The following ACVR2B variants were observed in gnomAD, a reference collection of about 807,000 sequenced individuals.
ACVR2B encodes the protein activin A receptor type 2B.
A neutral mutation model predicts 65.1 loss-of-function variants in ACVR2B; 18 were observed. The observed-to-expected ratio is 0.28, with a 90% CI of 0.19 to 0.41. ACVR2B has a LOEUF of 0.41. Among genes scored for constraint, ACVR2B ranks in the 10% least tolerant of loss-of-function variants. The pLI, the probability that ACVR2B is intolerant of heterozygous loss-of-function variation, is 1.00. For missense variants in ACVR2B, 482 were observed against 682.7 expected, an observed-to-expected ratio of 0.71 and a Z score of 3.28; for synonymous variants, 298 against 277.7, an observed-to-expected ratio of 1.07 and a Z score of -0.73.
chr3:38,477,594 A>T lies in ACVR2B; in HGVS notation c.260+100A>T, dbSNP rs1164724651. On this transcript the variant is annotated intron_variant, in intron 2 of 10. Transcript: ENST00000352511. The surrounding 1 kb of genome is among the most constrained non-coding windows in gnomAD (Gnocchi z 6.7). Reference sequence around the variant, plus strand: ...AGGATGTCTGAGTGGGAGATAAAGGACCAAGAAGGGGCTCTTGAGATGGTA... The same window carrying T: ...AGGATGTCTGAGTGGGAGATAAAGGTCCAAGAAGGGGCTCTTGAGATGGTA... 7.3e-7 allele frequency: 1 copy of T among 1,370,910 alleles called. No individual in the cohort carries two copies. The highest frequency in any genetic ancestry group is 2.5e-5 in the East Asian group (1 of 40,332). The allele number at this position is 1,370,910 out of a possible 1,614,324, so 84.9% of individuals were successfully genotyped here.
At chr3:38,455,213 A>G (rs1019142761) in intron 1 of ACVR2B, among the ~76,000 whole-genome samples, 2 of 151,788 alleles carry the variant, frequency 1.3e-5, no homozygotes, top group African/African-American at 4.8e-5. Flanking sequence ...TGTTTCTCCT[A>G]CGGTCCAAGC....
At chr3:38,459,945 A>G (rs553394532) in intron 1 of ACVR2B, among the ~76,000 whole-genome samples, 2 of 152,150 alleles carry the variant, frequency 1.3e-5, no homozygotes, top group African/African-American at 4.8e-5. Flanking sequence ...TGGCTAGGGA[A>G]CGCTTCTGTG....
intron 1 of ACVR2B, among the ~76,000 whole-genome samples, chr3:38,468,448 G>A (rs749465765): frequency 1.3e-5 from 2 of 152,158 alleles, no homozygotes; most frequent in Non-Finnish European, 2.9e-5. Context: ...TGATACCTGT[G>A]TCCTCAGATT....
intron 1 of ACVR2B, among the ~76,000 whole-genome samples, chr3:38,473,007 CTGCATGTACTGTGTGTGTGTATG>C (rs1709844864): frequency 6.6e-6 from 1 of 152,128 alleles, no homozygotes; most frequent in Non-Finnish European, 1.5e-5. Flanking sequence ...AGAGTGCAGT[CTGCATGTACTGTGTGTGTGTATG>C]TGCATGTACT....
At chr3:38,475,648 G>A (rs986563802) in intron 1 of ACVR2B, 1 of 152,306 alleles carries the variant, frequency 6.6e-6, no homozygotes, top group Non-Finnish European at 1.5e-5. Context: ...CTTCTCTCTG[G>A]GGTATACCCT....
rs1710014484 is a variant in ACVR2B, at chr3:38,481,341, G to A, written c.960-10G>A. ...TGTTAAGCTTTATCTCTGCCCACTT[G>A]TTTCCACAGGGACTTTAAAAGTAAG... is the stretch of plus-strand genomic sequence containing the variant. On this transcript the variant is annotated splice_polypyrimidine_tract_variant and intron_variant, in intron 7 of 10. Coordinates refer to ENST00000352511, the MANE Select transcript of ACVR2B (RefSeq NM_001106.4). This position sits in a 1 kb window ranked among gnomAD's most constrained non-coding sequence, Gnocchi z 4.7. The A allele has an allele frequency of 1.9e-6, 3 of 1,608,846 alleles. No individual in the cohort carries two copies. Among genetic ancestry groups the A allele is most frequent in the South Asian group, 2.2e-5 (2 of 90,994 alleles).
Position 38,491,587 on chromosome 3 carries a change from G to C in ACVR2B, c.*8255G>C, listed in dbSNP as rs2059811166. The C allele has an allele frequency of 6.6e-6, 1 of 152,358 alleles. No homozygotes were observed. The allele number at this position is 152,358 out of a possible 1,614,324, so 9.4% of individuals were successfully genotyped here. On this transcript the variant is annotated 3_prime_UTR_variant, in exon 11 of 11. Coordinates refer to ENST00000352511, the MANE Select transcript of ACVR2B (RefSeq NM_001106.4). ...CACCCAAATTTTACCAACAATGACA[G>C]AGATGAGAGTAGAAAAGATTAGGCA...
In ACVR2B at chr3:38,477,113, AGGTGTGGGACGGATGGGT is replaced by A; in HGVS notation, c.53-171_53-154del. ...TGCCAGCTGGCACACGTAAATTAAG[AGGTGTGGGACGGATGGGT>A]GGCCTACGTCCAGGGGTGAGTGCAG... On this transcript the variant is annotated intron_variant, in intron 1 of 10. Transcript: ENST00000352511. This position sits in a 1 kb window ranked among gnomAD's most constrained non-coding sequence, Gnocchi z 6.7. The A allele has an allele frequency of 1.5e-6, 1 of 650,576 alleles. No individual in the cohort carries two copies. Among genetic ancestry groups the A allele is most frequent in the Non-Finnish European group, 2.7e-6 (1 of 375,042 alleles). The allele number at this position is 650,576 out of a possible 1,614,324, so 40.3% of individuals were successfully genotyped here. A position where few individuals can be genotyped will look rare whatever the true frequency, so the allele number is the denominator to read the frequency against.
chr3:38,480,664 G>A (rs573748642), intron 7 of ACVR2B, among the ~76,000 whole-genome samples: 1 of 152,362 alleles, frequency 6.6e-6, no homozygotes, highest in South Asian at 2.1e-4. Flanking sequence ...AAGGTAGACT[G>A]TATGAAATTG....
At position 38,483,986 on chromosome 3, in the gene ACVR2B, G is replaced by A. The variant is rs568117956; in HGVS notation, c.*654G>A. ...GTTGGAAGGGGAGGACGGTACTGGG[G>A]GTAGGGTTTGGAACAGAGCTACACT... On this transcript the variant is annotated 3_prime_UTR_variant, in exon 11 of 11. Transcript: ENST00000352511. The surrounding 1 kb of genome is among the most constrained non-coding windows in gnomAD (Gnocchi z 4.8). 6.1e-4 allele frequency: 93 copies of A among 153,368 alleles called. No homozygotes were observed. The highest frequency in any genetic ancestry group is 2.2e-3 in the African/African-American group (91 of 41,566). 9.5% of individuals were successfully genotyped at this position (153,368 alleles called of 1,614,324 possible).
intron 1 of ACVR2B, among the ~76,000 whole-genome samples, chr3:38,473,245 C>G (rs1227273112): frequency 6.6e-6 from 1 of 152,160 alleles, no homozygotes; most frequent in East Asian, 1.9e-4. Flanking sequence ...ATGCAGCAAG[C>G]CCCTTGTCCT....
chr3:38,483,205 C>T lies in ACVR2B; in HGVS notation c.1412C>T (p.Ala471Val), dbSNP rs1484586588. The T allele has an allele frequency of 2.5e-6, 4 of 1,614,104 alleles. No homozygotes were observed. The highest frequency in any genetic ancestry group is 2.2e-5 in the East Asian group (1 of 44,870). Residue 471 changes from alanine (A) to valine (V), a missense_variant, in exon 11 of 11, where the codon GCG becomes GTG. Physicochemically the swap from Ala to Val is moderately conservative, Grantham distance 64. Around this residue, in one of 5 missense-constraint regions of ACVR2B, gnomAD observed 223 missense variants for 386.3 expected, o/e 0.58. Transcript: ENST00000352511. This position sits in a 1 kb window ranked among gnomAD's most constrained non-coding sequence, Gnocchi z 4.8. Reference protein sequence around the residue: ...WDHDAEARLSAGCVEERVSLI... With the variant: ...WDHDAEARLSVGCVEERVSLI... ...CATGATGCAGAGGCTCGCTTGTCCG[C>T]GGGCTGTGTGGAGGAGCGGGTGTCC...
In ACVR2B at chr3:38,490,460, C is replaced by T. The variant is rs1439242107; in HGVS notation, c.*7128C>T. ...GCAGATCTAGTAGCACTCCAGAAAC[C>T]AACCCCATCTGTTCCCCATAAAAAG... On this transcript the variant is annotated 3_prime_UTR_variant, in exon 11 of 11. Coordinates refer to ENST00000352511, the MANE Select transcript of ACVR2B (RefSeq NM_001106.4). 6.6e-6 allele frequency: 1 copy of T among 152,550 alleles called. No homozygotes were observed. Among genetic ancestry groups the T allele is most frequent in the Non-Finnish European group, 1.5e-5 (1 of 68,022 alleles). The allele number at this position is 152,550 out of a possible 1,614,324, so 9.4% of individuals were successfully genotyped here. A position where few individuals can be genotyped will look rare whatever the true frequency, so the allele number is the denominator to read the frequency against.
rs1259905388 is a variant in ACVR2B, at chr3:38,486,219, A to C, written c.*2887A>C. The stretch of plus-strand genomic sequence containing the variant: ...CCTTGCCATCAGATTGTGTGTCAGG[A>C]GATGGTACCTTTTTGGTGTGGCTGG... On this transcript the variant is annotated 3_prime_UTR_variant, in exon 11 of 11. Transcript: ENST00000352511. 6.6e-6 allele frequency: 1 copy of C among 152,232 alleles called. No homozygotes were observed. The highest frequency in any genetic ancestry group is 1.5e-5 in the Non-Finnish European group (1 of 68,110). The allele number at this position is 152,232 out of a possible 1,614,324, so 9.4% of individuals were successfully genotyped here. A position where few individuals can be genotyped will look rare whatever the true frequency, so the allele number is the denominator to read the frequency against.
At chr3:38,467,146 A>G (rs1308151706) in intron 1 of ACVR2B, among the ~76,000 whole-genome samples, 2 of 152,198 alleles carry the variant, frequency 1.3e-5, no homozygotes, top group Admixed American at 1.3e-4. Context: ...ATAATTTTCA[A>G]GCTAAAAAAG....
Position 38,483,413 on chromosome 3 carries a change from C to T in ACVR2B, c.*81C>T. 7.0e-7 allele frequency: 1 copy of T among 1,432,640 alleles called. No homozygotes were observed. The highest frequency in any genetic ancestry group is 9.8e-7 in the Non-Finnish European group (1 of 1,022,638). The allele number at this position is 1,432,640 out of a possible 1,614,324, so 88.7% of individuals were successfully genotyped here. A position where few individuals can be genotyped will look rare whatever the true frequency, so the allele number is the denominator to read the frequency against. ...AAGTTGTGTTTTGTTTTGGAAATCCCATAAAACCAACAAACACATAAAATG... is the reference window on the plus strand; with the variant it reads ...AAGTTGTGTTTTGTTTTGGAAATCCTATAAAACCAACAAACACATAAAATG... On this transcript the variant is annotated 3_prime_UTR_variant, in exon 11 of 11. Coordinates refer to ENST00000352511, the MANE Select transcript of ACVR2B (RefSeq NM_001106.4). The surrounding 1 kb of genome is among the most constrained non-coding windows in gnomAD (Gnocchi z 4.8).
At chr3:38,455,487 G>T (rs1709532907) in intron 1 of ACVR2B, among the ~76,000 whole-genome samples, 2 of 152,140 alleles carry the variant, frequency 1.3e-5, no homozygotes, top group Non-Finnish European at 2.9e-5. Flanking sequence ...GGGCGTGCAG[G>T]GGCGGGGCCG....
At position 38,481,728 on chromosome 3, in the gene ACVR2B, C is replaced by A. The variant is rs1312874500; in HGVS notation, c.1074+263C>A. Among the ~76,000 whole-genome samples the A allele has an allele frequency of 6.6e-6, 1 of 152,212 alleles. No individual in the cohort carries two copies. Among genetic ancestry groups the A allele is most frequent in the Non-Finnish European group, 1.5e-5 (1 of 68,030 alleles). ...GACCACTAGTCCTTGCAATCTTAGT[C>A]TTTCTCTCACTTTTTTAGTTTTAAT... On this transcript the variant is annotated intron_variant, in intron 8 of 10. Coordinates refer to ENST00000352511, the MANE Select transcript of ACVR2B (RefSeq NM_001106.4). The surrounding 1 kb of genome is among the most constrained non-coding windows in gnomAD (Gnocchi z 4.7).
intron 1 of ACVR2B, among the ~76,000 whole-genome samples, chr3:38,459,095 C>T (rs1212812235): frequency 1.3e-5 from 2 of 152,156 alleles, no homozygotes; most frequent in African/African-American, 4.8e-5. Flanking sequence ...CTCACGCTTT[C>T]AAAGAGGTCT....
Sources: allele counts gnomAD v4.1 joint callset (sites outside exome capture counted in the v4.1 genomes callset), GRCh38; gene constraint gnomAD v4.1.1; regional missense constraint gnomAD v4.1.1; non-coding constraint Gnocchi (gnomAD v3.1); transcripts MANE v1.5; gene names NCBI Gene and HGNC (gene_info 2026-07-23, HGNC 2026-07-21).